Variants in NCOA1 observed in about 807,000 individuals in gnomAD.
NCOA1 encodes the protein Hin-2 protein.
NCOA1 carries 35 observed loss-of-function variants against 150.9 expected under a neutral mutation model. That is an observed-to-expected ratio of 0.23 (90% confidence interval 0.18 to 0.31). The LOEUF is 0.31. Ranked by LOEUF, NCOA1 falls within the 10% of genes least tolerant of loss-of-function variation. The pLI is 1.00. For synonymous variants in NCOA1, 590 were observed against 630.0 expected, an observed-to-expected ratio of 0.94 and a Z score of 0.95; for missense variants, 1,491 against 1,749.3, an observed-to-expected ratio of 0.85 and a Z score of 2.63.
At chr2:24,713,933 G>T (rs984794549) in intron 14 of NCOA1, among the ~76,000 whole-genome samples, 3 of 152,124 alleles carry the variant, frequency 2.0e-5, no homozygotes. Context: ...TTCTATCCTT[G>T]GCTGAATACT....
intron 6 of NCOA1, among the ~76,000 whole-genome samples, chr2:24,668,446 A>C (rs1671532270): frequency 6.6e-6 from 1 of 151,958 alleles, no homozygotes; most frequent in Admixed American, 6.6e-5. Flanking sequence ...TCTCACACAT[A>C]CTAGATTGCT....
At chr2:24,517,507 A>G (rs1664253002) in intron 1 of NCOA1, among the ~76,000 whole-genome samples, 1 of 152,090 alleles carries the variant, frequency 6.6e-6, no homozygotes. Flanking sequence ...GAACCGTTTC[A>G]CACTGACAGG....
chr2:24,525,584 T>G (rs1013275487), intron 1 of NCOA1, among the ~76,000 whole-genome samples: 1 of 151,828 alleles, frequency 6.6e-6, no homozygotes, highest in African/African-American at 2.4e-5. Flanking sequence ...TCTTGCTCTG[T>G]CACCCAGGCT....
At chr2:24,648,130 G>C (rs936119351) in intron 4 of NCOA1, among the ~76,000 whole-genome samples, 7 of 151,934 alleles carry the variant, frequency 4.6e-5, no homozygotes, top group African/African-American at 1.5e-4. Flanking sequence ...TGAAATGCTT[G>C]GGATTTTTTT....
chr2:24,614,199 C>CTTTTTTTTTT (rs869113477), intron 3 of NCOA1, among the ~76,000 whole-genome samples: 105 of 9,174 alleles, frequency 0.011, 32 homozygotes, highest in African/African-American at 0.017. Flanking sequence ...CATTTCCATT[C>CTTTTTTTTTT]TTTTTTTTTT....
At chr2:24,581,990 A>G (rs922947147) in intron 2 of NCOA1, among the ~76,000 whole-genome samples, 2 of 152,222 alleles carry the variant, frequency 1.3e-5, no homozygotes, top group African/African-American at 4.8e-5. Flanking sequence ...ACAAACCCAC[A>G]GCTAACATTA....
At chr2:24,618,256 G>T (rs1668961914) in intron 3 of NCOA1, among the ~76,000 whole-genome samples, 1 of 152,130 alleles carries the variant, frequency 6.6e-6, no homozygotes, top group South Asian at 2.1e-4. Context: ...AACTATTGCT[G>T]CTTAGTTCAA....
intron 1 of NCOA1, among the ~76,000 whole-genome samples, chr2:24,493,701 G>A (rs542090692): frequency 6.6e-6 from 1 of 151,962 alleles, no homozygotes; most frequent in South Asian, 2.1e-4. Context: ...GCGAACATTT[G>A]TTTTTGTTTC....
intron 14 of NCOA1, among the ~76,000 whole-genome samples, chr2:24,718,919 C>T (rs970119444): frequency 4.9e-5 from 7 of 143,928 alleles, no homozygotes; most frequent in Non-Finnish European, 1.5e-5. Flanking sequence ...ATCACAGCTT[C>T]TAGGGAGGCT....
intron 5 of NCOA1, among the ~76,000 whole-genome samples, chr2:24,662,952 TA>T (rs1465094057): frequency 1.5e-5 from 2 of 132,238 alleles, no homozygotes; most frequent in African/African-American, 5.2e-5. Flanking sequence ...CACGCCTGGC[TA>T]ATTTTTTTTT....
chr2:24,544,374 AAGAT>A lies in NCOA1; in HGVS notation c.-395-19919_-395-19916del, dbSNP rs1283081515. ...TTGGAAAGTAAAGTTGTGGATATGA[AAGAT>A]AACTCAAGTAAAATGTGCGGAGATG... is the stretch of plus-strand genomic sequence containing the variant. On this transcript the variant is annotated intron_variant, in intron 1 of 22. Transcript: ENST00000348332. Among the ~76,000 whole-genome samples the A allele has an allele frequency of 2.0e-5, 3 of 152,170 alleles. No individual in the cohort carries two copies. In the East Asian group the frequency reaches 5.8e-4, roughly 29 times the overall value.
At chr2:24,705,051 G>C in intron 11 of NCOA1, 35 bp from the exon 12 acceptor site, 1 of 1,599,012 alleles carries the variant, frequency 6.3e-7, no homozygotes, top group Non-Finnish European at 8.5e-7. Flanking sequence ...ATAAGTATCA[G>C]AATTTTAACT....
At chr2:24,530,089 C>T (rs1210466036) in intron 1 of NCOA1, among the ~76,000 whole-genome samples, 2 of 152,012 alleles carry the variant, frequency 1.3e-5, no homozygotes, top group Non-Finnish European at 2.9e-5. Flanking sequence ...CAAAGATTTC[C>T]GGGTTTAGAG....
At chr2:24,531,306 G>A (rs1274004541) in intron 1 of NCOA1, among the ~76,000 whole-genome samples, 1 of 152,072 alleles carries the variant, frequency 6.6e-6, no homozygotes, top group Non-Finnish European at 1.5e-5. Flanking sequence ...ATTCACAATT[G>A]GAGAGATATG....
chr2:24,545,674 A>C lies in NCOA1; in HGVS notation c.-395-18621A>C, dbSNP rs1665578141. On this transcript the variant is annotated intron_variant, in intron 1 of 22. Coordinates refer to ENST00000348332, the MANE Select transcript of NCOA1 (RefSeq NM_003743.5). ...ATTTACATAGGATATAGCATTAAAGAATGTTGGTGATCTCAGAGGGAACAG... is the reference window on the plus strand; with the variant it reads ...ATTTACATAGGATATAGCATTAAAGCATGTTGGTGATCTCAGAGGGAACAG... Among the ~76,000 whole-genome samples, 5 of 152,344 alleles carry C rather than the reference A, an allele frequency of 3.3e-5. No homozygotes were observed. The South Asian group carries it at 1.0e-3, about 32-fold the overall frequency.
intron 10 of NCOA1, among the ~76,000 whole-genome samples, chr2:24,696,623 C>A (rs1353120651): frequency 6.6e-6 from 1 of 152,154 alleles, no homozygotes; most frequent in Admixed American, 6.6e-5. Context: ...TACAATCTAA[C>A]AATTCTGTTC....
intron 1 of NCOA1, among the ~76,000 whole-genome samples, chr2:24,533,183 G>T (rs1345442489): frequency 6.6e-6 from 1 of 152,098 alleles, no homozygotes; most frequent in Non-Finnish European, 1.5e-5. Flanking sequence ...TTGTAAGTTG[G>T]ATTCCTAGGT....
At chr2:24,651,349 G>A (rs1670703893) in intron 4 of NCOA1, among the ~76,000 whole-genome samples, 1 of 152,000 alleles carries the variant, frequency 6.6e-6, no homozygotes, top group African/African-American at 2.4e-5. Flanking sequence ...ATATATATAT[G>A]CAATGGAATA....
intron 8 of NCOA1, 133 bp from the exon 9 acceptor site, chr2:24,691,348 A>G (rs1216679189): frequency 2.2e-5 from 16 of 736,042 alleles, no homozygotes; most frequent in East Asian, 1.2e-4. Flanking sequence ...ATAATGTTAG[A>G]TCTGAAGAGG....
Sources: gnomAD v4.1 joint callset for allele counts (sites outside exome capture counted in the v4.1 genomes callset) on GRCh38, gnomAD v4.1.1 for gene constraint, MANE v1.5 for transcripts, NCBI Gene and HGNC (gene_info 2026-07-23, HGNC 2026-07-21) for gene names.